Variants in PSD3 observed in about 807,000 individuals in gnomAD.
The protein encoded by PSD3 is pleckstrin and Sec7 domain containing 3.
In PSD3, 49 loss-of-function variants were observed where a neutral mutation model predicts 105.5. The ratio of observed to expected loss-of-function variants is 0.46; its 90% confidence interval spans 0.37 to 0.59. The LOEUF (loss-of-function observed/expected upper bound fraction) is 0.59, where lower values mean the gene tolerates loss of function less well. PSD3 is among the 20% of genes least tolerant of loss of function. The pLI, the probability that PSD3 is intolerant of heterozygous loss-of-function variation, is 0.00. For missense variants in PSD3, 1,561 were observed against 1,263.8 expected (o/e 1.24, Z -3.57); for synonymous variants, 557 against 457.8 (o/e 1.22, Z -2.77).
Position 18,855,867 on chromosome 8 carries a change from T to C in PSD3, c.1634+11807A>G, listed in dbSNP as rs1013550692. On this transcript the variant is annotated intron_variant, in intron 4 of 15. Coordinates refer to ENST00000327040, the MANE Select transcript of PSD3 (RefSeq NM_015310.4). Reference sequence around the variant, plus strand: ...AAATACTTTTATTTCCTAAGTGGGATGATGAGATCACAGGTGTTTATTATT... The same window carrying C: ...AAATACTTTTATTTCCTAAGTGGGACGATGAGATCACAGGTGTTTATTATT... 2.0e-5 allele frequency among the ~76,000 whole-genome samples: 3 copies of C among 152,236 alleles called. No homozygotes were observed. The South Asian group carries it at 6.2e-4, about 31-fold the overall frequency.
At chr8:18,574,133 A>G (rs1802332035) in intron 13 of PSD3, among the ~76,000 whole-genome samples, 1 of 152,190 alleles carries the variant, frequency 6.6e-6, no homozygotes, top group Non-Finnish European at 1.5e-5. Flanking sequence ...ATTATCTACC[A>G]TACACATAAT....
chr8:18,997,450 A>G (rs919695837), intron 1 of PSD3, among the ~76,000 whole-genome samples: 2 of 151,914 alleles, frequency 1.3e-5, no homozygotes, highest in Non-Finnish European at 2.9e-5. Flanking sequence ...AGGTTACAAC[A>G]GCCTCCCAAC....
intron 1 of PSD3, among the ~76,000 whole-genome samples, chr8:18,959,438 C>G (rs935147908): frequency 6.6e-6 from 1 of 152,134 alleles, no homozygotes; most frequent in Non-Finnish European, 1.5e-5. Context: ...TTAAAACCTT[C>G]AGCGGGTCCT....
intron 4 of PSD3, among the ~76,000 whole-genome samples, chr8:18,817,220 G>C (rs1812289256): frequency 6.6e-6 from 1 of 152,170 alleles, no homozygotes; most frequent in South Asian, 2.1e-4. Context: ...AATCGGAGAA[G>C]GTACAACAAT....
chr8:18,632,281 AC>A (rs1806956195), intron 11 of PSD3, among the ~76,000 whole-genome samples: 1 of 152,062 alleles, frequency 6.6e-6, no homozygotes, highest in Non-Finnish European at 1.5e-5. Context: ...GAAGACAGAA[AC>A]CTTGTCCCTC....
intron 8 of PSD3, among the ~76,000 whole-genome samples, chr8:18,783,350 T>C (rs993714876): frequency 1.3e-5 from 2 of 152,216 alleles, no homozygotes; most frequent in East Asian, 3.8e-4. Context: ...AGAGTTCTTT[T>C]ACTCATGGTC....
intron 2 of PSD3, among the ~76,000 whole-genome samples, chr8:18,874,977 G>A (rs1817636358): frequency 6.6e-6 from 1 of 152,088 alleles, no homozygotes; most frequent in Non-Finnish European, 1.5e-5. Flanking sequence ...GTGTGGGAGT[G>A]CGAACATAGC....
chr8:19,053,748 C>A (rs1339129627), intron 1 of PSD3, among the ~76,000 whole-genome samples: 4 of 151,886 alleles, frequency 2.6e-5, no homozygotes, highest in African/African-American at 9.7e-5. Flanking sequence ...AAGTGACATG[C>A]TAATGGTATC....
intron 2 of PSD3, among the ~76,000 whole-genome samples, chr8:18,928,168 G>A (rs561313037): frequency 9.2e-5 from 14 of 152,280 alleles, no homozygotes; most frequent in South Asian, 6.2e-4. Flanking sequence ...TGTCAAGGGC[G>A]GCGCCAGGTG....
At chr8:18,578,734 C>CAAA (rs67557349) in intron 12 of PSD3, among the ~76,000 whole-genome samples, 121 of 145,598 alleles carry the variant, frequency 8.3e-4, no homozygotes, top group African/African-American at 2.9e-3. Flanking sequence ...CTTAAAAATG[C>CAAA]AAAAAAAAAA....
At chr8:18,747,260 G>A (rs1237995816) in intron 9 of PSD3, among the ~76,000 whole-genome samples, 1 of 152,184 alleles carries the variant, frequency 6.6e-6, no homozygotes, top group African/African-American at 2.4e-5. Flanking sequence ...GACACTGGAA[G>A]GATCCTTATA....
chr8:19,079,326 T>C (rs1181698865), intron 1 of PSD3, among the ~76,000 whole-genome samples: 2 of 152,226 alleles, frequency 1.3e-5, no homozygotes, highest in Non-Finnish European at 2.9e-5. Flanking sequence ...TACTGACTCC[T>C]AAATACCACA....
At chr8:18,596,856 T>G (rs913879630) in intron 12 of PSD3, among the ~76,000 whole-genome samples, 1 of 152,042 alleles carries the variant, frequency 6.6e-6, no homozygotes, top group African/African-American at 2.4e-5. Context: ...AAGGAAAGTT[T>G]AGGAGCAGAT....
chr8:18,872,809 C>A, intron 2 of PSD3, 76 bp from the exon 3 acceptor site: 1 of 1,352,832 alleles, frequency 7.4e-7, no homozygotes, highest in Non-Finnish European at 1.0e-6. Context: ...CATATTCACA[C>A]AGATTAGGCA....
intron 9 of PSD3, among the ~76,000 whole-genome samples, chr8:18,698,489 A>T (rs1801389167): frequency 6.6e-6 from 1 of 152,086 alleles, no homozygotes; most frequent in African/African-American, 2.4e-5. Flanking sequence ...GCAGAAGGGA[A>T]GAAGAGGTTT....
intron 14 of PSD3, among the ~76,000 whole-genome samples, chr8:18,561,351 T>C (rs1255791130): frequency 6.6e-6 from 1 of 152,202 alleles, no homozygotes; most frequent in African/African-American, 2.4e-5. Flanking sequence ...CTGGAGGACA[T>C]TTTGCTAACT....
At chr8:18,799,407 C>A in intron 7 of PSD3, 54 bp from the exon 8 acceptor site, 2 of 1,354,032 alleles carry the variant, frequency 1.5e-6, no homozygotes, top group African/African-American at 1.4e-5. Flanking sequence ...CTGTTGGACT[C>A]CACCTTATTA....
chr8:18,998,869 A>G (rs952049318), intron 1 of PSD3, among the ~76,000 whole-genome samples: 5 of 151,850 alleles, frequency 3.3e-5, no homozygotes, highest in African/African-American at 9.7e-5. Context: ...TTTTCAGTGA[A>G]CTTCTGGACT....
At chr8:18,593,604 C>T (rs1348656550) in intron 12 of PSD3, among the ~76,000 whole-genome samples, 4 of 152,176 alleles carry the variant, frequency 2.6e-5, no homozygotes, top group East Asian at 3.9e-4. Flanking sequence ...TACCATTTGA[C>T]CCAGCCATCC....
Sources: gnomAD v4.1 joint callset for allele counts (sites outside exome capture counted in the v4.1 genomes callset) on GRCh38, gnomAD v4.1.1 for gene constraint, MANE v1.5 for transcripts, NCBI Gene and HGNC (gene_info 2026-07-23, HGNC 2026-07-21) for gene names.